The following RASL10B variants were observed in gnomAD, a reference collection of about 807,000 sequenced individuals.
RASL10B encodes the protein ras-like protein family member 10B.
In RASL10B, 10 loss-of-function variants were observed where a neutral mutation model predicts 20.7. The observed-to-expected ratio is 0.48, with a 90% CI of 0.30 to 0.82. The LOEUF is 0.82. Among genes scored for constraint, RASL10B ranks in the 40% least tolerant of loss-of-function variants. RASL10B has a pLI of 0.07. For synonymous variants in RASL10B, 110 were observed against 123.3 expected (o/e 0.89, Z 0.72); for missense variants, 231 against 295.4 (o/e 0.78, Z 1.60).
rs781813665 is a variant in RASL10B, at chr17:35,735,438, C to G, written c.216+38C>G. 6.3e-7 allele frequency: 1 copy of G among 1,596,984 alleles called. No homozygotes were observed. Among genetic ancestry groups the G allele is most frequent in the South Asian group, 1.1e-5 (1 of 90,714 alleles). ...TGGGGGGCATGGGTTAGTGGGGAAA[C>G]GGATGGGTAGGGGAGAGGCTGGATT... On this transcript the variant is annotated intron_variant, in intron 2 of 3. Transcript: ENST00000603017. This position sits in a 1 kb window ranked among gnomAD's most constrained non-coding sequence, Gnocchi z 6.7.
Position 35,741,136 on chromosome 17 carries a change from G to A in RASL10B, c.443G>A (p.Arg148His). ...IPRWNVSHLVRKTWKCGYVEC... is the reference protein window; with the variant it reads ...IPRWNVSHLVHKTWKCGYVEC... Reference sequence around the variant, plus strand: ...CGCTGGAACGTGTCGCACCTGGTACGCAAGACCTGGAAGTGCGGCTACGTG... The same window carrying A: ...CGCTGGAACGTGTCGCACCTGGTACACAAGACCTGGAAGTGCGGCTACGTG... Residue 148 changes from arginine (R) to histidine (H), a missense_variant, in exon 4 of 4, where the codon CGC (arginine) becomes CAC (histidine). Transcript: ENST00000603017. The A allele has an allele frequency of 1.9e-6, 3 of 1,613,594 alleles. 1 individual carries two copies. Among genetic ancestry groups the A allele is most frequent in the South Asian group, 2.2e-5 (2 of 91,078 alleles).
chr17:35,742,946 G>A lies in RASL10B; in HGVS notation c.*1641G>A, dbSNP rs1002546274. On this transcript the variant is annotated 3_prime_UTR_variant, in exon 4 of 4. Transcript: ENST00000603017. Reference sequence around the variant, plus strand: ...GAATCTATGATTCTGCTTCCCCAGCGGATTCCCACTCTGTCCACCAAGTGG... The same window carrying A: ...GAATCTATGATTCTGCTTCCCCAGCAGATTCCCACTCTGTCCACCAAGTGG... 4 of 152,458 alleles carry A rather than the reference G, an allele frequency of 2.6e-5. No homozygotes were observed. The highest frequency in any genetic ancestry group is 9.7e-5 in the African/African-American group (4 of 41,436). 9.4% of individuals were successfully genotyped at this position (152,458 alleles called of 1,614,324 possible).
In RASL10B at chr17:35,741,015, C is replaced by T; in HGVS notation, c.342-20C>T. 1 of 1,570,676 alleles carries T rather than the reference C, an allele frequency of 6.4e-7. No homozygotes were observed. The highest frequency in any genetic ancestry group is 2.3e-5 in the East Asian group (1 of 44,194). On this transcript the variant is annotated intron_variant, in intron 3 of 3. Transcript: ENST00000603017. ...GTTGTGGGGCTGACAGAGTTCTGAG[C>T]TGCCTGCCTCGCCCCACAGGGTGAT...
At chr17:35,732,653 T>G (rs1598387264) in intron 1 of RASL10B, among the ~76,000 whole-genome samples, 1 of 152,034 alleles carries the variant, frequency 6.6e-6, no homozygotes, top group East Asian at 1.9e-4. Flanking sequence ...GTGCCCCTCT[T>G]GCATTTCCCT....
chr17:35,735,500 C>G lies in RASL10B; in HGVS notation c.216+100C>G. On this transcript the variant is annotated intron_variant, in intron 2 of 3. Coordinates refer to ENST00000603017, the MANE Select transcript of RASL10B (RefSeq NM_033315.4). The surrounding 1 kb of genome is among the most constrained non-coding windows in gnomAD (Gnocchi z 6.7). The stretch of plus-strand genomic sequence containing the variant: ...TAGCTTGGGCCCTATTGCCAGGGCC[C>G]CATCACTGAGTTTGGGAGCTCCACA... The G allele has an allele frequency of 8.3e-7, 1 of 1,208,518 alleles. No homozygotes were observed. The highest frequency in any genetic ancestry group is 1.2e-6 in the Non-Finnish European group (1 of 850,610). 74.9% of individuals were successfully genotyped at this position (1,208,518 alleles called of 1,614,324 possible).
At position 35,735,364 on chromosome 17, in the gene RASL10B, T is replaced by G; in HGVS notation, c.180T>G (p.Phe60Leu). Residue 60 changes from phenylalanine to leucine, a missense_variant, in exon 2 of 4, where the codon TTT becomes TTG. Phe to Leu is a conservative substitution (Grantham distance 22, BLOSUM62 0). Coordinates refer to ENST00000603017, the MANE Select transcript of RASL10B (RefSeq NM_033315.4). This position sits in a 1 kb window ranked among gnomAD's most constrained non-coding sequence, Gnocchi z 6.7. ...TGCACGACCTCCAGATCCTCGACTT[T>G]CCACCCATCAGCGCCTTCCCTGTCA... is the stretch of plus-strand genomic sequence containing the variant. ...GHVHDLQILD[F>L]PPISAFPVNT... The G allele has an allele frequency of 6.2e-7, 1 of 1,614,180 alleles. No individual in the cohort carries two copies. The highest frequency in any genetic ancestry group is 8.5e-7 in the Non-Finnish European group (1 of 1,180,050).
chr17:35,732,172 C>G (rs1406840923), intron 1 of RASL10B, among the ~76,000 whole-genome samples: 4 of 152,170 alleles, frequency 2.6e-5, no homozygotes, highest in African/African-American at 4.8e-5. Context: ...TCTGTCGCCC[C>G]CAGCCCACCC....
Position 35,740,443 on chromosome 17 carries a change from G to A in RASL10B, c.251G>A (p.Ser84Asn), listed in dbSNP as rs587645683. ...GACACCTGCTGCAGGGGACTCCGGA[G>A]TGTCCACGCCTACATCCTGGTCTAC... The part of the protein sequence containing the change: ...WADTCCRGLR[S>N]VHAYILVYDI... Residue 84 changes from serine (S) to asparagine (N), a missense_variant, in exon 3 of 4, where the codon AGT becomes AAT. Coordinates refer to ENST00000603017, the MANE Select transcript of RASL10B (RefSeq NM_033315.4). The A allele has an allele frequency of 2.5e-6, 4 of 1,614,050 alleles. No homozygotes were observed. The East Asian group carries it at 6.7e-5, about 27-fold the overall frequency.
intron 2 of RASL10B, among the ~76,000 whole-genome samples, chr17:35,738,780 T>C (rs2085610882): frequency 6.6e-6 from 1 of 152,006 alleles, no homozygotes; most frequent in African/African-American, 2.4e-5. Flanking sequence ...AAGCCAGGAG[T>C]TCCCCTCAAG....
Position 35,735,386 on chromosome 17 carries a change from G to A in RASL10B, c.202G>A (p.Val68Ile), listed in dbSNP as rs147846080. 1.2e-6 allele frequency: 2 copies of A among 1,614,024 alleles called. No individual in the cohort carries two copies. The highest frequency in any genetic ancestry group is 1.1e-5 in the South Asian group (1 of 91,084). ...CTTTCCACCCATCAGCGCCTTCCCT[G>A]TCAATACGCTCCAGGTAGGAGGACC... ...LDFPPISAFPVNTLQEWADTC... is the reference protein window; with the variant it reads ...LDFPPISAFPINTLQEWADTC... The change falls in exon 2 of 4, where the codon GTC (valine) becomes ATC (isoleucine). Residue 68 changes from valine to isoleucine, a missense_variant. Coordinates refer to ENST00000603017, the MANE Select transcript of RASL10B (RefSeq NM_033315.4). The surrounding 1 kb of genome is among the most constrained non-coding windows in gnomAD (Gnocchi z 6.7).
At chr17:35,740,975 G>GGAGATC in intron 3 of RASL10B, 60 bp from the exon 4 acceptor site, 1 of 1,445,708 alleles carries the variant, frequency 6.9e-7, no homozygotes, top group Non-Finnish European at 9.5e-7. Context: ...AGCCTGCCCT[G>GGAGATC]CTGGGAGTAC....
intron 1 of RASL10B, among the ~76,000 whole-genome samples, chr17:35,734,058 G>T (rs1164112252): frequency 6.6e-6 from 1 of 152,236 alleles, no homozygotes; most frequent in East Asian, 1.9e-4. Flanking sequence ...ACTTTGGGAG[G>T]CCAAGGTGGG....
chr17:35,738,373 A>AGG (rs2085608291), intron 2 of RASL10B, among the ~76,000 whole-genome samples: 2 of 152,170 alleles, frequency 1.3e-5, no homozygotes, highest in Admixed American at 6.5e-5. Context: ...TATAAAACCT[A>AGG]AGAATCCTGA....
At chr17:35,736,517 C>T (rs1057104931) in intron 2 of RASL10B, among the ~76,000 whole-genome samples, 2 of 152,192 alleles carry the variant, frequency 1.3e-5, no homozygotes, top group Admixed American at 6.5e-5. Context: ...AAGATGGAAG[C>T]CTGATCCCGC....
intron 2 of RASL10B, 93 bp from the exon 3 acceptor site, chr17:35,740,316 G>A: frequency 6.6e-7 from 1 of 1,504,616 alleles, no homozygotes; most frequent in African/African-American, 1.4e-5. Flanking sequence ...TGCAGTGGCA[G>A]GTGAGAGCAC....
Position 35,735,747 on chromosome 17 carries a change from C to A in RASL10B, c.216+347C>A, listed in dbSNP as rs2085587889. ...GTGATAAGTTCTATGATTGGAGGAG[C>A]AGGGAGCTGGGGCAGCCCTTAAGGG... is the stretch of plus-strand genomic sequence containing the variant. On this transcript the variant is annotated intron_variant, in intron 2 of 3. Coordinates refer to ENST00000603017, the MANE Select transcript of RASL10B (RefSeq NM_033315.4). The surrounding 1 kb of genome is among the most constrained non-coding windows in gnomAD (Gnocchi z 6.7). Among the ~76,000 whole-genome samples, 2 of 152,260 alleles carry A rather than the reference C, an allele frequency of 1.3e-5. No individual in the cohort carries two copies. Among genetic ancestry groups the A allele is most frequent in the East Asian group, 3.9e-4 (2 of 5,182 alleles).
intron 3 of RASL10B, among the ~76,000 whole-genome samples, chr17:35,740,816 A>C (rs957661992): frequency 4.6e-5 from 7 of 152,246 alleles, no homozygotes; most frequent in Non-Finnish European, 1.0e-4. Context: ...GCCAGTAAAC[A>C]TTTAAGCCTA....
rs781648294 is a variant in RASL10B, at chr17:35,731,653, A to T, written c.-373A>T. On this transcript the variant is annotated 5_prime_UTR_variant, in exon 1 of 4. Transcript: ENST00000603017. ...ACCCCCTCCTCCTTCCAGCGCGAGCAGGCGGCGCGCTCCGGAGGGAGAGCT... is the reference window on the plus strand; with the variant it reads ...ACCCCCTCCTCCTTCCAGCGCGAGCTGGCGGCGCGCTCCGGAGGGAGAGCT... 3 of 152,240 alleles carry T rather than the reference A, an allele frequency of 2.0e-5. No homozygotes were observed. Among genetic ancestry groups the T allele is most frequent in the African/African-American group, 7.2e-5 (3 of 41,454 alleles). 9.4% of individuals were successfully genotyped at this position (152,240 alleles called of 1,614,324 possible).
chr17:35,741,479 C>A lies in RASL10B; in HGVS notation c.*174C>A. Reference sequence around the variant, plus strand: ...GAGCGCGAGAGGGAGCCCTCCGTAACTGCCCAGCCCTGCCCCTTGCCCCCG... The same window carrying A: ...GAGCGCGAGAGGGAGCCCTCCGTAAATGCCCAGCCCTGCCCCTTGCCCCCG... On this transcript the variant is annotated 3_prime_UTR_variant, in exon 4 of 4. Coordinates refer to ENST00000603017, the MANE Select transcript of RASL10B (RefSeq NM_033315.4). 3 of 945,126 alleles carry A rather than the reference C, an allele frequency of 3.2e-6. No individual in the cohort carries two copies. The highest frequency in any genetic ancestry group is 4.7e-5 in the South Asian group (2 of 42,150). The allele number at this position is 945,126 out of a possible 1,614,324, so 58.5% of individuals were successfully genotyped here. A position where few individuals can be genotyped will look rare whatever the true frequency, so the allele number is the denominator to read the frequency against.
Sources: allele counts gnomAD v4.1 joint callset (sites outside exome capture counted in the v4.1 genomes callset), GRCh38; gene constraint gnomAD v4.1.1; non-coding constraint Gnocchi (gnomAD v3.1); transcripts MANE v1.5; gene names NCBI Gene and HGNC (gene_info 2026-07-23, HGNC 2026-07-21).